Variants in HS6ST3 observed in about 807,000 individuals in gnomAD.
HS6ST3 encodes the protein heparan-sulfate 6-O-sulfotransferase 3.
HS6ST3 carries 12 observed loss-of-function variants against 36.7 expected under a neutral mutation model. The ratio of observed to expected loss-of-function variants is 0.33; its 90% confidence interval spans 0.21 to 0.53. The LOEUF (loss-of-function observed/expected upper bound fraction) is 0.53, where lower values mean the gene tolerates loss of function less well. Among genes scored for constraint, HS6ST3 ranks in the 20% least tolerant of loss-of-function variants. The probability of loss-of-function intolerance (pLI) is 0.95; values close to 1 mark genes in which losing one functional copy is unlikely to be tolerated. For missense variants in HS6ST3, 584 were observed against 640.9 expected, an observed-to-expected ratio of 0.91 and a Z score of 0.96; for synonymous variants, 240 against 257.5, an observed-to-expected ratio of 0.93 and a Z score of 0.65.
At chr13:96,746,784 A>G (rs552561840) in intron 1 of HS6ST3, among the ~76,000 whole-genome samples, 31 of 152,154 alleles carry the variant, frequency 2.0e-4, no homozygotes, top group African/African-American at 7.5e-4. Context: ...ATATCTTTTG[A>G]TTTCTAAAGT....
At chr13:96,213,035 T>G (rs1473603503) in intron 1 of HS6ST3, among the ~76,000 whole-genome samples, 1 of 152,230 alleles carries the variant, frequency 6.6e-6, no homozygotes, top group Non-Finnish European at 1.5e-5. Context: ...GAGCAGCTGA[T>G]AACTTATTTT....
At chr13:96,472,009 G>T (rs1205579003) in intron 1 of HS6ST3, among the ~76,000 whole-genome samples, 1 of 152,166 alleles carries the variant, frequency 6.6e-6, no homozygotes, top group Non-Finnish European at 1.5e-5. Context: ...TTCTTGGGCA[G>T]CAGCCTTCAT....
intron 1 of HS6ST3, among the ~76,000 whole-genome samples, chr13:96,207,309 TG>T (rs2054375578): frequency 6.6e-6 from 1 of 152,084 alleles, no homozygotes; most frequent in Non-Finnish European, 1.5e-5. Context: ...AAACAACAGA[TG>T]CTGGTTAAGG....
chr13:96,353,440 T>TAACC (rs1254059713), intron 1 of HS6ST3, among the ~76,000 whole-genome samples: 2 of 152,096 alleles, frequency 1.3e-5, no homozygotes, highest in Non-Finnish European at 2.9e-5. Flanking sequence ...GCCACCTGGC[T>TAACC]AACCATTTGG....
intron 1 of HS6ST3, among the ~76,000 whole-genome samples, chr13:96,360,191 G>C (rs1034358471): frequency 8.5e-5 from 13 of 152,052 alleles, no homozygotes; most frequent in Admixed American, 3.9e-4. Context: ...AGCAGCAGGG[G>C]ACCTTCCTTG....
chr13:96,090,926 A>G lies in HS6ST3; in HGVS notation c.64A>G (p.Met22Val). 3 of 1,507,114 alleles carry G rather than the reference A, an allele frequency of 2.0e-6. No homozygotes were observed. Among genetic ancestry groups the G allele is most frequent in the East Asian group, 2.8e-5 (1 of 35,336 alleles). The allele number at this position is 1,507,114 out of a possible 1,614,324, so 93.4% of individuals were successfully genotyped here. A position where few individuals can be genotyped will look rare whatever the true frequency, so the allele number is the denominator to read the frequency against. The change falls in exon 1 of 2, where the codon ATG (methionine) becomes GTG (valine). Residue 22 changes from methionine (M) to valine (V), a missense_variant. Physicochemically the swap from Met to Val is conservative, Grantham distance 21. Transcript: ENST00000376705. ...PVLTLLFVVI[M>V]YQYVSPSCTS... ...GCTCACTCTCCTCTTCGTGGTCATC[A>G]TGTACCAGTACGTGTCCCCCTCCTG...
At chr13:96,459,506 T>A (rs932064982) in intron 1 of HS6ST3, among the ~76,000 whole-genome samples, 1 of 152,100 alleles carries the variant, frequency 6.6e-6, no homozygotes, top group Non-Finnish European at 1.5e-5. Flanking sequence ...TTAGGCACAG[T>A]TCTTAGTAGG....
chr13:96,714,777 C>A lies in HS6ST3; in HGVS notation c.708-117713C>A, dbSNP rs913873616. Among the ~76,000 whole-genome samples, 21 of 152,126 alleles carry A rather than the reference C, an allele frequency of 1.4e-4. 1 individual carries two copies. The highest frequency in any genetic ancestry group is 9.8e-4 in the Admixed American group (15 of 15,270). On this transcript the variant is annotated intron_variant, in intron 1 of 1. Transcript: ENST00000376705. The stretch of plus-strand genomic sequence containing the variant: ...GCAGTGGTGAGATCATAGCTCACTG[C>A]AGCCCTGAACTCCTGGGCTCAAGTG...
chr13:96,268,689 G>C (rs1020603204), intron 1 of HS6ST3, among the ~76,000 whole-genome samples: 2 of 151,952 alleles, frequency 1.3e-5, no homozygotes, highest in Admixed American at 1.3e-4. Context: ...ATATAGATGT[G>C]AGATATTCCT....
chr13:96,477,806 G>T (rs1172756549), intron 1 of HS6ST3, among the ~76,000 whole-genome samples: 1 of 152,108 alleles, frequency 6.6e-6, no homozygotes, highest in Non-Finnish European at 1.5e-5. Context: ...GGAGGCAAAG[G>T]TTGCAGTGAG....
intron 1 of HS6ST3, among the ~76,000 whole-genome samples, chr13:96,650,331 C>A (rs999077799): frequency 2.6e-5 from 4 of 152,000 alleles, no homozygotes; most frequent in Non-Finnish European, 5.9e-5. Flanking sequence ...CTGGCACTAG[C>A]AGACACTATA....
rs917945826 is a variant in HS6ST3 at position 96,836,807 on chromosome 13, A to G, written c.*3609A>G. The G allele has an allele frequency of 1.3e-5, 2 of 152,212 alleles. No homozygotes were observed. The highest frequency in any genetic ancestry group is 2.9e-5 in the Non-Finnish European group (2 of 68,030). The allele number at this position is 152,212 out of a possible 1,614,324, so 9.4% of individuals were successfully genotyped here. On this transcript the variant is annotated 3_prime_UTR_variant, in exon 2 of 2. Transcript: ENST00000376705. ...AAAATAGTGACTTAACATGGAAGCTATTTCTCTCTTACTTAAAGGCAAACT... is the reference window on the plus strand; with the variant it reads ...AAAATAGTGACTTAACATGGAAGCTGTTTCTCTCTTACTTAAAGGCAAACT...
intron 1 of HS6ST3, among the ~76,000 whole-genome samples, chr13:96,329,356 C>T (rs894159605): frequency 1.6e-4 from 20 of 123,974 alleles, no homozygotes; most frequent in South Asian, 2.9e-4. Context: ...GCTTTGAATG[C>T]GTCCCAGAGA....
intron 1 of HS6ST3, among the ~76,000 whole-genome samples, chr13:96,212,410 A>G (rs2054403403): frequency 6.6e-6 from 1 of 152,254 alleles, no homozygotes; most frequent in Non-Finnish European, 1.5e-5. Context: ...TCTCAGCAAC[A>G]TCTTCCTAAA....
intron 1 of HS6ST3, among the ~76,000 whole-genome samples, chr13:96,158,578 G>A (rs1322548659): frequency 4.7e-5 from 7 of 149,584 alleles, no homozygotes; most frequent in East Asian, 2.0e-4. Context: ...ACCTGAACCC[G>A]GGAGGCCGAG....
At chr13:96,235,032 T>C (rs1284178685) in intron 1 of HS6ST3, among the ~76,000 whole-genome samples, 2 of 152,106 alleles carry the variant, frequency 1.3e-5, no homozygotes, top group African/African-American at 2.4e-5. Flanking sequence ...CCGAGACATA[T>C]AAAAATAGTA....
chr13:96,138,011 A>G (rs893799840), intron 1 of HS6ST3, among the ~76,000 whole-genome samples: 1 of 152,226 alleles, frequency 6.6e-6, no homozygotes, highest in Admixed American at 6.5e-5. Flanking sequence ...TGAGAGCTGT[A>G]ATGATAGCAA....
chr13:96,522,316 C>T (rs534149381), intron 1 of HS6ST3, among the ~76,000 whole-genome samples: 10 of 152,088 alleles, frequency 6.6e-5, no homozygotes, highest in Admixed American at 6.5e-4. Context: ...CTGAGAAGAA[C>T]GTATATTCTG....
chr13:96,148,083 G>T (rs930087817), intron 1 of HS6ST3, among the ~76,000 whole-genome samples: 1 of 152,188 alleles, frequency 6.6e-6, no homozygotes, highest in African/African-American at 2.4e-5. Context: ...TTAAATGTAT[G>T]TATAGCTCAC....
Sources: gnomAD v4.1 joint callset for allele counts (sites outside exome capture counted in the v4.1 genomes callset) on GRCh38, gnomAD v4.1.1 for gene constraint, MANE v1.5 for transcripts, NCBI Gene and HGNC (gene_info 2026-07-23, HGNC 2026-07-21) for gene names.